Variants in RAB8B observed in about 807,000 individuals in gnomAD.
RAB8B encodes the protein RAB8B, member RAS oncogene family.
A neutral mutation model predicts 32.0 loss-of-function variants in RAB8B; 11 were observed. The observed-to-expected ratio is 0.34, with a 90% CI of 0.22 to 0.57. RAB8B has a LOEUF of 0.57. RAB8B is among the 20% of genes least tolerant of loss of function. The pLI is 0.86. For missense variants in RAB8B, 190 were observed against 258.5 expected (o/e 0.73, Z 1.82); for synonymous variants, 103 against 89.6 (o/e 1.15, Z -0.85).
chr15:63,190,303 G>A (rs1595729924), intron 1 of RAB8B, among the ~76,000 whole-genome samples: 1 of 152,030 alleles, frequency 6.6e-6, no homozygotes, highest in Admixed American at 6.6e-5. Context: ...AGAAGGGGAC[G>A]GCTGGCCACA....
At chr15:63,218,744 G>A (rs1595738781) in intron 1 of RAB8B, among the ~76,000 whole-genome samples, 1 of 151,954 alleles carries the variant, frequency 6.6e-6, no homozygotes, top group African/African-American at 2.4e-5. Flanking sequence ...AGGAATTCCC[G>A]GCAATGTCAT....
rs1250800433 is a variant in RAB8B at position 63,218,157 on chromosome 15, G to A, written c.125-26599G>A. 3.3e-5 allele frequency among the ~76,000 whole-genome samples: 5 copies of A among 152,146 alleles called. No homozygotes were observed. In the East Asian group the frequency reaches 5.8e-4, roughly 18 times the overall value. ...CAAAAGAAATGCACCAATGGGAGGT[G>A]AAGGTTTAAAATATAACAGTTGAGT... On this transcript the variant is annotated intron_variant, in intron 1 of 7. Coordinates refer to ENST00000321437, the MANE Select transcript of RAB8B (RefSeq NM_016530.3).
Position 63,263,821 on chromosome 15 carries a change from G to A in RAB8B, c.*202G>A. The A allele has an allele frequency of 2.0e-6, 1 of 500,082 alleles. No homozygotes were observed. Among genetic ancestry groups the A allele is most frequent in the Non-Finnish European group, 3.6e-6 (1 of 280,652 alleles). The allele number at this position is 500,082 out of a possible 1,614,324, so 31.0% of individuals were successfully genotyped here. ...CAGACTCCCTTTTTCAAACATGGAA[G>A]CAATGAAGTGGAGACACATGCAGGA... On this transcript the variant is annotated 3_prime_UTR_variant, in exon 8 of 8. Transcript: ENST00000321437.
rs575845923 is a variant in RAB8B, at chr15:63,205,797, C to T, written c.124+16049C>T. 2.0e-5 allele frequency among the ~76,000 whole-genome samples: 3 copies of T among 152,198 alleles called. No homozygotes were observed. In the East Asian group the frequency reaches 5.8e-4, roughly 29 times the overall value. ...TCTGTTCCCTAAAATTTTGATGTACCCAGAAAAGCATATTGTAAAAAATGT... is the reference window on the plus strand; with the variant it reads ...TCTGTTCCCTAAAATTTTGATGTACTCAGAAAAGCATATTGTAAAAAATGT... On this transcript the variant is annotated intron_variant, in intron 1 of 7. Transcript: ENST00000321437.
intron 3 of RAB8B, among the ~76,000 whole-genome samples, chr15:63,252,683 T>C (rs1332603097): frequency 2.6e-5 from 4 of 152,060 alleles, no homozygotes; most frequent in Admixed American, 2.0e-4. Context: ...TTTATTGTGG[T>C]AAAATATACA....
At chr15:63,254,370 T>A (rs1280174039) in intron 3 of RAB8B, among the ~76,000 whole-genome samples, 1 of 152,090 alleles carries the variant, frequency 6.6e-6, no homozygotes, top group Admixed American at 6.6e-5. Context: ...ATTAGTTGTA[T>A]AGATATTGGT....
chr15:63,230,334 T>C (rs2037925537), intron 1 of RAB8B, among the ~76,000 whole-genome samples: 1 of 152,200 alleles, frequency 6.6e-6, no homozygotes, highest in South Asian at 2.1e-4. Context: ...AGAGTCTTGC[T>C]CTTGTCGCCC....
In RAB8B at chr15:63,194,339, C is replaced by G. The variant is rs185352309; in HGVS notation, c.124+4591C>G. Among the ~76,000 whole-genome samples, 66 of 152,298 alleles carry G rather than the reference C, an allele frequency of 4.3e-4. 2 individuals are homozygous for G. The highest frequency in any genetic ancestry group is 1.4e-3 in the African/African-American group (60 of 41,548). ...CTATTCCTAATCAGTATGATTATCC[C>G]CATTAATTCAAGTCATCACCTTTTC... is the stretch of plus-strand genomic sequence containing the variant. On this transcript the variant is annotated intron_variant, in intron 1 of 7. Coordinates refer to ENST00000321437, the MANE Select transcript of RAB8B (RefSeq NM_016530.3).
At chr15:63,203,104 G>A (rs2037667122) in intron 1 of RAB8B, among the ~76,000 whole-genome samples, 2 of 152,224 alleles carry the variant, frequency 1.3e-5, no homozygotes, top group Admixed American at 6.5e-5. Flanking sequence ...GTGGGACTAT[G>A]GAAGACATTC....
intron 5 of RAB8B, among the ~76,000 whole-genome samples, chr15:63,258,029 C>T (rs1324176986): frequency 2.0e-5 from 3 of 149,824 alleles, no homozygotes; most frequent in Admixed American, 6.6e-5. Flanking sequence ...TGCCACTGTA[C>T]TCCTCCAGCC....
chr15:63,202,996 A>G (rs1478284117), intron 1 of RAB8B, among the ~76,000 whole-genome samples: 1 of 152,224 alleles, frequency 6.6e-6, no homozygotes, highest in Non-Finnish European at 1.5e-5. Flanking sequence ...TGATTTATGC[A>G]GTGGTCATTG....
At chr15:63,242,101 A>C (rs528601880) in intron 1 of RAB8B, among the ~76,000 whole-genome samples, 4 of 150,960 alleles carry the variant, frequency 2.6e-5, no homozygotes, top group African/African-American at 4.9e-5. Flanking sequence ...GCAGCAACCT[A>C]ATATTTATTA....
chr15:63,198,598 C>T (rs552263103), intron 1 of RAB8B, among the ~76,000 whole-genome samples: 13 of 152,262 alleles, frequency 8.5e-5, no homozygotes, highest in South Asian at 6.2e-4. Flanking sequence ...TAGTATTGCA[C>T]GGCCTTCTGC....
Position 63,265,026 on chromosome 15 carries a change from T to A in RAB8B, c.*1407T>A, listed in dbSNP as rs1240528852. 6.6e-6 allele frequency: 1 copy of A among 152,654 alleles called. No homozygotes were observed. Among genetic ancestry groups the A allele is most frequent in the Non-Finnish European group, 1.5e-5 (1 of 68,032 alleles). 9.5% of individuals were successfully genotyped at this position (152,654 alleles called of 1,614,324 possible). A position where few individuals can be genotyped will look rare whatever the true frequency, so the allele number is the denominator to read the frequency against. On this transcript the variant is annotated 3_prime_UTR_variant, in exon 8 of 8. Coordinates refer to ENST00000321437, the MANE Select transcript of RAB8B (RefSeq NM_016530.3). The surrounding 1 kb of genome is among the most constrained non-coding windows in gnomAD (Gnocchi z 4.9). ...TGTTAACTTGTGTGCCAAATTCAGA[T>A]CACTATGTCGTTGTTGCTCTAGCCT...
chr15:63,221,508 A>G (rs1167006335), intron 1 of RAB8B, among the ~76,000 whole-genome samples: 1 of 152,190 alleles, frequency 6.6e-6, no homozygotes. Flanking sequence ...TGACTCAGTG[A>G]CAAACTTCCT....
chr15:63,198,185 C>T (rs531458379), intron 1 of RAB8B, among the ~76,000 whole-genome samples: 2 of 151,966 alleles, frequency 1.3e-5, no homozygotes, highest in African/African-American at 2.4e-5. Context: ...TTTGGGAGGC[C>T]GCATAAAGTG....
chr15:63,242,957 A>G (rs1221084080), intron 1 of RAB8B, among the ~76,000 whole-genome samples: 1 of 152,218 alleles, frequency 6.6e-6, no homozygotes, highest in Non-Finnish European at 1.5e-5. Context: ...TGTAATATAT[A>G]ATGAAATTAT....
intron 1 of RAB8B, among the ~76,000 whole-genome samples, chr15:63,208,342 G>T (rs1047454218): frequency 6.6e-6 from 1 of 152,126 alleles, no homozygotes; most frequent in Non-Finnish European, 1.5e-5. Flanking sequence ...CTGAGTTGAT[G>T]TGCTTCTTAC....
At chr15:63,243,472 G>A (rs1331411032) in intron 1 of RAB8B, among the ~76,000 whole-genome samples, 1 of 152,188 alleles carries the variant, frequency 6.6e-6, no homozygotes, top group African/African-American at 2.4e-5. Context: ...GGGCTTTGTG[G>A]TTCTTTGTCT....
Sources: allele counts gnomAD v4.1 joint callset (sites outside exome capture counted in the v4.1 genomes callset), GRCh38; gene constraint gnomAD v4.1.1; non-coding constraint Gnocchi (gnomAD v3.1); transcripts MANE v1.5; gene names NCBI Gene and HGNC (gene_info 2026-07-23, HGNC 2026-07-21).